Variants in KIF21B observed in about 807,000 individuals in gnomAD.
KIF21B encodes kinesin-like protein KIF21B.
In KIF21B, 85 loss-of-function variants were observed where a neutral mutation model predicts 192.9. The observed-to-expected ratio is 0.44, with a 90% confidence interval of 0.37 to 0.53. The LOEUF (loss-of-function observed/expected upper bound fraction) is 0.53, where lower values mean the gene tolerates loss of function less well. KIF21B is among the 20% of genes least tolerant of loss of function. KIF21B has a pLI of 0.00. For synonymous variants in KIF21B, 832 were observed against 884.6 expected (o/e 0.94, Z 1.05); for missense variants, 1,716 against 2,194.8 (o/e 0.78, Z 4.36).
At chr1:201,014,815 A>AG (rs1415705364) in intron 1 of KIF21B, among the ~76,000 whole-genome samples, 2 of 152,238 alleles carry the variant, frequency 1.3e-5, no homozygotes, top group African/African-American at 4.8e-5. Context: ...TTCCACTTGA[A>AG]GGGTCTGTCT....
chr1:200,994,001 T>C (rs911943938), intron 15 of KIF21B, among the ~76,000 whole-genome samples: 3 of 152,098 alleles, frequency 2.0e-5, no homozygotes, highest in African/African-American at 7.2e-5. Context: ...ACCTGAAAAC[T>C]CCAGCATCCC....
chr1:200,998,570 T>C lies in KIF21B; in HGVS notation c.1891A>G (p.Asn631Asp), dbSNP rs1359670989. 6.2e-7 allele frequency: 1 copy of C among 1,613,246 alleles called. No homozygotes were observed. The highest frequency in any genetic ancestry group is 1.7e-5 in the Admixed American group (1 of 59,976). Residue 631 changes from asparagine (N) to aspartate (D), a missense_variant, in exon 14 of 35, where the codon AAC (asparagine) becomes GAC (aspartate). This residue lies in a region of KIF21B where 1,087 missense variants were observed against 1,316.6 expected (regional missense o/e 0.83). Coordinates refer to ENST00000461742, the MANE Select transcript of KIF21B (RefSeq NM_001252102.2). The surrounding 1 kb of genome is among the most constrained non-coding windows in gnomAD (Gnocchi z 4.3). Reference sequence around the variant, plus strand: ...AGGTCGGCCAGGTCCGCCTGGAAGTTCACCTCTATGGGGGCACAATCAGGC... The same window carrying C: ...AGGTCGGCCAGGTCCGCCTGGAAGTCCACCTCTATGGGGGCACAATCAGGC... The part of the protein sequence containing the change: ...SDSDPEEKEV[N>D]FQADLADLTC...
At chr1:200,980,752 G>C (rs115309374) in intron 29 of KIF21B, among the ~76,000 whole-genome samples, 2,426 of 152,324 alleles carry the variant, frequency 0.016, 71 homozygotes, top group African/African-American at 0.054. Context: ...GGAGCCACCA[G>C]GTCAGGTATG....
chr1:201,004,678 A>C (rs548206606), intron 6 of KIF21B, 88 bp downstream of exon 6: 3 of 1,498,782 alleles, frequency 2.0e-6, no homozygotes, highest in Non-Finnish European at 2.8e-6. Context: ...TCCAAGGAGG[A>C]CTCAGCAGGT....
chr1:200,988,694 C>G, intron 22 of KIF21B, 72 bp downstream of exon 22: 1 of 1,549,246 alleles, frequency 6.5e-7, no homozygotes, highest in Admixed American at 1.8e-5. Flanking sequence ...AAGTGAGGGC[C>G]TTGTGGGGGT....
At chr1:201,018,998 G>A (rs377119001) in intron 1 of KIF21B, among the ~76,000 whole-genome samples, 68 of 152,244 alleles carry the variant, frequency 4.5e-4, no homozygotes, top group African/African-American at 1.6e-3. Flanking sequence ...GCAGTGGTGC[G>A]ATCTCAGCTC....
chr1:201,023,250 G>T lies in KIF21B; in HGVS notation c.41+93C>A, dbSNP rs1467050017. The T allele has an allele frequency of 4.4e-6, 5 of 1,147,500 alleles. No homozygotes were observed. The highest frequency in any genetic ancestry group is 5.9e-6 in the Non-Finnish European group (5 of 840,766). 71.1% of individuals were successfully genotyped at this position (1,147,500 alleles called of 1,614,324 possible). A position where few individuals can be genotyped will look rare whatever the true frequency, so the allele number is the denominator to read the frequency against. ...CCCTCCTCCGGGAGTGCAGGCTCCA[G>T]CCCAAGCGGTGCTCGCGCCCCCCGC... On this transcript the variant is annotated intron_variant, in intron 1 of 34. Coordinates refer to ENST00000461742, the MANE Select transcript of KIF21B (RefSeq NM_001252102.2). This position sits in a 1 kb window ranked among gnomAD's most constrained non-coding sequence, Gnocchi z 5.9.
Position 200,988,553 on chromosome 1 carries a change from G to T in KIF21B, c.3299-9C>A. On this transcript the variant is annotated splice_polypyrimidine_tract_variant and intron_variant, in intron 22 of 34. Transcript: ENST00000461742. The stretch of plus-strand genomic sequence containing the variant: ...GCTGGCGTAGCCATTCTCTGTGGGA[G>T]GGCGGGAGGGAGGGAAAGGGGTTGA... 3.8e-6 allele frequency: 6 copies of T among 1,558,918 alleles called. No homozygotes were observed. Among genetic ancestry groups the T allele is most frequent in the East Asian group, 2.3e-5 (1 of 43,666 alleles).
intron 1 of KIF21B, among the ~76,000 whole-genome samples, chr1:201,021,515 C>T (rs1380526088): frequency 6.6e-6 from 1 of 152,226 alleles, no homozygotes; most frequent in African/African-American, 2.4e-5. Context: ...TGGTCCTGAA[C>T]TGGGTGCAGA....
chr1:200,986,937 G>C lies in KIF21B; in HGVS notation c.3615-19C>G. The stretch of plus-strand genomic sequence containing the variant: ...CCTAGGGCTACAACAGAAGAGTCCA[G>C]TGAGGCCCAGACCCAACTCCACCTC... On this transcript the variant is annotated intron_variant, in intron 25 of 34. Coordinates refer to ENST00000461742, the MANE Select transcript of KIF21B (RefSeq NM_001252102.2). The C allele has an allele frequency of 1.2e-6, 2 of 1,613,100 alleles. No individual in the cohort carries two copies. Among genetic ancestry groups the C allele is most frequent in the South Asian group, 1.1e-5 (1 of 90,978 alleles).
At chr1:200,978,949 A>T (rs55865340) in intron 30 of KIF21B, among the ~76,000 whole-genome samples, 64 of 152,214 alleles carry the variant, frequency 4.2e-4, no homozygotes, top group African/African-American at 1.5e-3. Context: ...TTCAGCCTCC[A>T]AAATACCTAG....
chr1:200,986,031 G>C (rs932573008), intron 26 of KIF21B, among the ~76,000 whole-genome samples: 10 of 151,550 alleles, frequency 6.6e-5, no homozygotes, highest in African/African-American at 2.2e-4. Context: ...TATTTCAGTA[G>C]AGACTGGGTT....
In KIF21B at chr1:201,000,001, C is replaced by A; in HGVS notation, c.1686-37G>T. ...GGACAGGGAAGCTGGATTAGGAAGG[C>A]TGCCCCTGCCCTGAGCACATGGGCA... On this transcript the variant is annotated intron_variant, in intron 11 of 34. Transcript: ENST00000461742. The surrounding 1 kb of genome is among the most constrained non-coding windows in gnomAD (Gnocchi z 6.0). The A allele has an allele frequency of 1.3e-6, 2 of 1,586,698 alleles. No homozygotes were observed. The highest frequency in any genetic ancestry group is 1.7e-6 in the Non-Finnish European group (2 of 1,156,690).
At chr1:200,995,915 G>T (rs182401176) in intron 15 of KIF21B, among the ~76,000 whole-genome samples, 1 of 152,270 alleles carries the variant, frequency 6.6e-6, no homozygotes, top group East Asian at 1.9e-4. Context: ...GCAGCACCAA[G>T]TGGGGTCCCC....
chr1:200,973,320 C>A lies in KIF21B; in HGVS notation c.*201G>T. ...AATTTCCTCCCCAGCCTCTCTCTCA[C>A]CCAGAGGCTCCTGAGAGGCAGGGGA... is the stretch of plus-strand genomic sequence containing the variant. On this transcript the variant is annotated 3_prime_UTR_variant, in exon 35 of 35. Coordinates refer to ENST00000461742, the MANE Select transcript of KIF21B (RefSeq NM_001252102.2). 1 of 557,452 alleles carries A rather than the reference C, an allele frequency of 1.8e-6. No individual in the cohort carries two copies. The highest frequency in any genetic ancestry group is 2.8e-6 in the Non-Finnish European group (1 of 353,136). The allele number at this position is 557,452 out of a possible 1,614,324, so 34.5% of individuals were successfully genotyped here.
chr1:201,021,257 G>C (rs1323732615), intron 1 of KIF21B, among the ~76,000 whole-genome samples: 7 of 152,222 alleles, frequency 4.6e-5, no homozygotes, highest in Non-Finnish European at 8.8e-5. Context: ...ACTGGGTTCT[G>C]TCCAGGCATT....
In KIF21B at chr1:201,017,739, T is replaced by C. The variant is rs761154515; in HGVS notation, c.41+5604A>G. 1.3e-5 allele frequency among the ~76,000 whole-genome samples: 2 copies of C among 152,120 alleles called. No homozygotes were observed. The highest frequency in any genetic ancestry group is 2.4e-5 in the African/African-American group (1 of 41,426). On this transcript the variant is annotated intron_variant, in intron 1 of 34. Coordinates refer to ENST00000461742, the MANE Select transcript of KIF21B (RefSeq NM_001252102.2). The surrounding 1 kb of genome is among the most constrained non-coding windows in gnomAD (Gnocchi z 4.1). The stretch of plus-strand genomic sequence containing the variant: ...CAGGACAGCTCTCCAGGGTGCACCT[T>C]AAGTCAGCCTCAGGTGGGACCAGCC...
intron 2 of KIF21B, 99 bp from the exon 3 acceptor site, chr1:201,009,050 G>T: frequency 7.2e-7 from 1 of 1,388,958 alleles, no homozygotes; most frequent in Non-Finnish European, 9.7e-7. Context: ...CTACCTCCCA[G>T]CCCGGTTCCC....
Position 200,973,469 on chromosome 1 carries a change from G to A in KIF21B, c.*52C>T, listed in dbSNP as rs1655333289. On this transcript the variant is annotated 3_prime_UTR_variant, in exon 35 of 35. Transcript: ENST00000461742. The stretch of plus-strand genomic sequence containing the variant: ...GCCGGGTCACAGCTTCCCTTCCATG[G>A]TGTCCAGGCTGCTGGGGTCGAGGGT... 1.4e-6 allele frequency: 2 copies of A among 1,398,360 alleles called. No individual in the cohort carries two copies. The highest frequency in any genetic ancestry group is 3.0e-5 in the East Asian group (1 of 33,450). The allele number at this position is 1,398,360 out of a possible 1,614,324, so 86.6% of individuals were successfully genotyped here.
Sources: allele counts gnomAD v4.1 joint callset (sites outside exome capture counted in the v4.1 genomes callset), GRCh38; gene constraint gnomAD v4.1.1; regional missense constraint gnomAD v4.1.1; non-coding constraint Gnocchi (gnomAD v3.1); transcripts MANE v1.5; gene names NCBI Gene and HGNC (gene_info 2026-07-23, HGNC 2026-07-21).